Variants in SPATA19 observed in about 807,000 individuals in gnomAD.
SPATA19 encodes the protein spermatogenesis-associated protein 19, mitochondrial.
Under a neutral mutation model 25.0 loss-of-function variants are expected in SPATA19, and 19 were observed. The ratio of observed to expected loss-of-function variants is 0.76; its 90% confidence interval spans 0.53 to 1.11. The LOEUF is 1.11. Ranked by LOEUF, SPATA19 falls within the 50% of genes most tolerant of loss-of-function variation. The probability of loss-of-function intolerance (pLI) is 0.00; values close to 1 mark genes in which losing one functional copy is unlikely to be tolerated. For missense variants in SPATA19, 222 were observed against 211.4 expected, an observed-to-expected ratio of 1.05 and a Z score of -0.31; for synonymous variants, 64 against 69.3, an observed-to-expected ratio of 0.92 and a Z score of 0.38.
downstream of SPATA19, among the ~76,000 whole-genome samples, chr11:133,839,705 G>C (rs1938271024): frequency 1.3e-5 from 2 of 151,926 alleles, no homozygotes; most frequent in South Asian, 4.2e-4. Context: ...TTAAAAAAAA[G>C]AAATGTCAGT....
chr11:133,841,680 C>G (rs961090226), intron 6 of SPATA19, among the ~76,000 whole-genome samples: 2 of 152,202 alleles, frequency 1.3e-5, no homozygotes, highest in African/African-American at 2.4e-5. Context: ...GTCAGCAGAC[C>G]AGCAGTGACA....
downstream of SPATA19, among the ~76,000 whole-genome samples, chr11:133,837,026 T>C (rs1279376854): frequency 1.3e-5 from 2 of 152,222 alleles, no homozygotes; most frequent in Non-Finnish European, 2.9e-5. Flanking sequence ...TTCAAGTCCT[T>C]GGATAGGACC....
At chr11:133,844,403 C>A in intron 3 of SPATA19, 66 bp from the exon 4 acceptor site, 4 of 1,610,488 alleles carry the variant, frequency 2.5e-6, no homozygotes, top group Non-Finnish European at 3.4e-6. Context: ...TGGCACAGAG[C>A]CCAGACGAGC....
chr11:133,844,507 AC>A lies in SPATA19; in HGVS notation c.267+1del. ...CAGGCAAGGTCTCAAACTCTCATTT[AC>A]CACATCTCTGGTCACGTGGATGTCC... On this transcript the variant is annotated splice_donor_variant, in intron 3 of 6. Coordinates refer to ENST00000299140, the MANE Select transcript of SPATA19 (RefSeq NM_174927.3). LOFTEE classifies it high-confidence loss of function. The A allele has an allele frequency of 6.2e-7, 1 of 1,614,074 alleles. No individual in the cohort carries two copies. The highest frequency in any genetic ancestry group is 8.5e-7 in the Non-Finnish European group (1 of 1,180,006).
chr11:133,841,080 C>T (rs1329000398), intron 6 of SPATA19, among the ~76,000 whole-genome samples, 157 bp from the exon 7 acceptor site: 8 of 152,126 alleles, frequency 5.3e-5, no homozygotes, highest in Non-Finnish European at 8.8e-5. Context: ...ACAATTGATG[C>T]GGCATTTACC....
At position 133,841,759 on chromosome 11, in the gene SPATA19, G is replaced by T. The variant is rs538595632; in HGVS notation, c.*9+271C>A. Among the ~76,000 whole-genome samples the T allele has an allele frequency of 5.9e-5, 9 of 152,276 alleles. No individual in the cohort carries two copies. The East Asian group carries it at 1.7e-3, about 29-fold the overall frequency. ...CAACCTCCTAAACACGAAAGCCCGG[G>T]CCCATGAATGATGGAGAGGCAGTGC... On this transcript the variant is annotated intron_variant, in intron 6 of 6. Coordinates refer to ENST00000299140, the MANE Select transcript of SPATA19 (RefSeq NM_174927.3).
At chr11:133,837,839 G>C (rs1453845244), downstream of SPATA19, among the ~76,000 whole-genome samples, 2 of 152,020 alleles carry the variant, frequency 1.3e-5, no homozygotes, top group Non-Finnish European at 2.9e-5. Context: ...GTAATCCCTG[G>C]TTATATAATA....
At chr11:133,836,744 G>T (rs1276892366), downstream of SPATA19, among the ~76,000 whole-genome samples, 1 of 152,200 alleles carries the variant, frequency 6.6e-6, no homozygotes, top group Non-Finnish European at 1.5e-5. Context: ...CAACTAATGA[G>T]TTTGTGTAAA....
Position 133,841,294 on chromosome 11 carries a change from A to C in SPATA19, c.*10-371T>G, listed in dbSNP as rs548012099. On this transcript the variant is annotated intron_variant, in intron 6 of 6. Coordinates refer to ENST00000299140, the MANE Select transcript of SPATA19 (RefSeq NM_174927.3). ...CCTCTCTTAAGGTTGTTTTTGGATC[A>C]AATGATAAACCCTGACAAACTACCT... Among the ~76,000 whole-genome samples the C allele has an allele frequency of 1.1e-4, 16 of 152,314 alleles. No individual in the cohort carries two copies. The Middle Eastern group carries it at 0.01, about 97-fold the overall frequency.
chr11:133,837,318 T>G (rs1244961171), downstream of SPATA19, among the ~76,000 whole-genome samples: 8 of 152,118 alleles, frequency 5.3e-5, no homozygotes, highest in Admixed American at 2.6e-4. Flanking sequence ...GCACACAAAA[T>G]TCCACAGGAA....
At chr11:133,842,766 G>A (rs189814019) in intron 4 of SPATA19, among the ~76,000 whole-genome samples, 15 of 152,082 alleles carry the variant, frequency 9.9e-5, no homozygotes, top group African/African-American at 3.6e-4. Flanking sequence ...CAGTAATGCT[G>A]AACAGGTAGC....
Position 133,845,476 on chromosome 11 carries a change from G to T in SPATA19, c.-30C>A, listed in dbSNP as rs1342105477. ...GAATGTATACCAGGCCCCCTTCTTG[G>T]CTCCCTCCTTCCATTGAAGCTGCCT... is the stretch of plus-strand genomic sequence containing the variant. On this transcript the variant is annotated 5_prime_UTR_variant, in exon 1 of 7. Coordinates refer to ENST00000299140, the MANE Select transcript of SPATA19 (RefSeq NM_174927.3). The T allele has an allele frequency of 6.2e-7, 1 of 1,611,970 alleles. No homozygotes were observed.
At chr11:133,838,613 G>T (rs941339658), downstream of SPATA19, among the ~76,000 whole-genome samples, 6 of 152,242 alleles carry the variant, frequency 3.9e-5, no homozygotes, top group Middle Eastern at 3.4e-3. Context: ...TCAGGACATA[G>T]GCATGGGCAA....
Position 133,842,239 on chromosome 11 carries a change from C to G in SPATA19, c.438-134G>C, listed in dbSNP as rs527591954. The G allele has an allele frequency of 1.6e-3, 1,415 of 898,352 alleles. 4 individuals are homozygous for G. The highest frequency in any genetic ancestry group is 2.3e-3 in the Non-Finnish European group (1,287 of 548,402). 55.6% of individuals were successfully genotyped at this position (898,352 alleles called of 1,614,324 possible). A position where few individuals can be genotyped will look rare whatever the true frequency, so the allele number is the denominator to read the frequency against. The stretch of plus-strand genomic sequence containing the variant: ...CGTGGCCACACTGGGCCTGGGAGCA[C>G]AGTCATATGAACAGGCCCACAGCCT... On this transcript the variant is annotated intron_variant, in intron 5 of 6. Coordinates refer to ENST00000299140, the MANE Select transcript of SPATA19 (RefSeq NM_174927.3).
At chr11:133,838,025 A>G (rs1223469091), downstream of SPATA19, among the ~76,000 whole-genome samples, 1 of 152,132 alleles carries the variant, frequency 6.6e-6, no homozygotes, top group Admixed American at 6.5e-5. Context: ...ACAGCCTCAC[A>G]CTAATGGCCT....
chr11:133,844,734 C>A, intron 2 of SPATA19, 94 bp from the exon 3 acceptor site: 2 of 1,381,882 alleles, frequency 1.4e-6, no homozygotes, highest in Non-Finnish European at 2.0e-6. Flanking sequence ...TTCTCCATCA[C>A]AACTCACACA....
intron 6 of SPATA19, 66 bp downstream of exon 6, chr11:133,841,964 T>G (rs2121179485): frequency 6.9e-7 from 1 of 1,449,914 alleles, no homozygotes; most frequent in South Asian, 1.1e-5. Context: ...CCAGCTGCAG[T>G]GCCCCTTCCC....
downstream of SPATA19, among the ~76,000 whole-genome samples, chr11:133,836,198 C>A (rs1938209350): frequency 6.6e-6 from 1 of 152,180 alleles, no homozygotes; most frequent in Non-Finnish European, 1.5e-5. Context: ...AGACTTCTCT[C>A]CCCTCTCAGA....
At chr11:133,844,182 G>T in intron 4 of SPATA19, 64 bp downstream of exon 4, 1 of 1,357,002 alleles carries the variant, frequency 7.4e-7, no homozygotes, top group Non-Finnish European at 1.1e-6. Context: ...GAGGGTTCGT[G>T]AAGAGAGGGG....
Sources: gnomAD v4.1 joint callset for allele counts (sites outside exome capture counted in the v4.1 genomes callset) on GRCh38, gnomAD v4.1.1 for gene constraint, MANE v1.5 for transcripts, NCBI Gene and HGNC (gene_info 2026-07-23, HGNC 2026-07-21) for gene names.